Variants in GRID2 observed in about 807,000 individuals in gnomAD.
GRID2 encodes the protein glutamate ionotropic receptor delta type subunit 2.
In GRID2, 33 loss-of-function variants were observed where a neutral mutation model predicts 114.8. That is an observed-to-expected ratio of 0.29 (90% CI 0.22 to 0.38). The LOEUF (loss-of-function observed/expected upper bound fraction) is 0.38. GRID2 is among the 10% of genes least tolerant of loss of function. The pLI, the probability that GRID2 is intolerant of heterozygous loss-of-function variation, is 1.00. For synonymous variants in GRID2, 505 were observed against 449.9 expected (o/e 1.12, Z -1.55); for missense variants, 1,184 against 1,257.7 (o/e 0.94, Z 0.89).
At chr4:93,476,667 C>T (rs1725348831) in intron 11 of GRID2, among the ~76,000 whole-genome samples, 1 of 152,000 alleles carries the variant, frequency 6.6e-6, no homozygotes, top group Admixed American at 6.6e-5. Flanking sequence ...AGCGTGAATA[C>T]AAAAGCTGAA....
chr4:93,331,322 G>A (rs776359127), intron 8 of GRID2, among the ~76,000 whole-genome samples: 5 of 151,616 alleles, frequency 3.3e-5, no homozygotes, highest in African/African-American at 4.8e-5. Flanking sequence ...TTCTTCTCCC[G>A]TATATAGCCA....
At chr4:93,644,505 G>C (rs1293746898) in intron 14 of GRID2, among the ~76,000 whole-genome samples, 2 of 152,020 alleles carry the variant, frequency 1.3e-5, no homozygotes, top group African/African-American at 4.8e-5. Flanking sequence ...TTGTTCTGAT[G>C]ATTTTTCTCA....
At chr4:92,686,215 AC>A (rs1265330230) in intron 2 of GRID2, among the ~76,000 whole-genome samples, 2 of 152,066 alleles carry the variant, frequency 1.3e-5, no homozygotes, top group African/African-American at 2.4e-5. Flanking sequence ...GCCTCAAACT[AC>A]TTAAAATTAA....
At chr4:92,590,833 G>C (rs146327794) in intron 2 of GRID2, among the ~76,000 whole-genome samples, 1,998 of 152,150 alleles carry the variant, frequency 0.013, 32 homozygotes, top group African/African-American at 0.046. Context: ...CTGTAAACCT[G>C]AGTAAATTAA....
chr4:93,617,264 AGCT>A (rs1435102348), intron 13 of GRID2, among the ~76,000 whole-genome samples: 4 of 152,170 alleles, frequency 2.6e-5, no homozygotes, highest in African/African-American at 9.7e-5. Flanking sequence ...CATTTTATAG[AGCT>A]ATCAGGGGAA....
At chr4:93,733,418 T>G (rs531872756) in intron 14 of GRID2, among the ~76,000 whole-genome samples, 13 of 152,138 alleles carry the variant, frequency 8.5e-5, no homozygotes, top group Admixed American at 4.6e-4. Flanking sequence ...GTTTCTAACA[T>G]AGAAATTTTC....
intron 2 of GRID2, among the ~76,000 whole-genome samples, chr4:92,704,289 A>G (rs934833453): frequency 1.3e-5 from 2 of 152,164 alleles, no homozygotes; most frequent in Non-Finnish European, 2.9e-5. Flanking sequence ...AAATGATAAT[A>G]ATAGAATTAT....
chr4:93,292,327 T>C (rs1753840612), intron 8 of GRID2, among the ~76,000 whole-genome samples: 1 of 152,200 alleles, frequency 6.6e-6, no homozygotes, highest in Non-Finnish European at 1.5e-5. Context: ...GGAGGTACTA[T>C]GTGCTCAGCA....
chr4:92,900,958 T>C (rs1403729299), intron 2 of GRID2, among the ~76,000 whole-genome samples: 1 of 78,952 alleles, frequency 1.3e-5, no homozygotes, highest in Non-Finnish European at 2.5e-5. Flanking sequence ...GTATTTCCCA[T>C]TTTCTTTATC....
At chr4:92,831,342 T>A (rs1195572015) in intron 2 of GRID2, among the ~76,000 whole-genome samples, 2 of 152,138 alleles carry the variant, frequency 1.3e-5, no homozygotes, top group Non-Finnish European at 2.9e-5. Context: ...TACAAATGGC[T>A]GGTCTGAGAG....
chr4:93,634,789 A>G (rs1241916475), intron 14 of GRID2, among the ~76,000 whole-genome samples: 1 of 152,144 alleles, frequency 6.6e-6, no homozygotes, highest in Non-Finnish European at 1.5e-5. Flanking sequence ...AAGGGATTAG[A>G]AAAAAAGATA....
intron 8 of GRID2, among the ~76,000 whole-genome samples, chr4:93,376,421 C>T (rs1905707): frequency 0.18 from 26,965 of 151,594 alleles, 4,355 homozygotes; most frequent in African/African-American, 0.43. Flanking sequence ...TCAGACAGCA[C>T]AATCTAGCTC....
chr4:92,948,955 A>G (rs1751839126), intron 2 of GRID2, among the ~76,000 whole-genome samples: 1 of 151,854 alleles, frequency 6.6e-6, no homozygotes, highest in African/African-American at 2.4e-5. Flanking sequence ...AACTTCCTCC[A>G]GTCAACTCAT....
At chr4:92,556,786 C>T (rs150829346) in intron 1 of GRID2, among the ~76,000 whole-genome samples, 388 of 152,184 alleles carry the variant, frequency 2.5e-3, no homozygotes, top group Non-Finnish European at 3.5e-3. Flanking sequence ...ATGGCAACAG[C>T]CTCTCTAGTT....
At chr4:92,682,043 A>G (rs1249203737) in intron 2 of GRID2, among the ~76,000 whole-genome samples, 2 of 151,856 alleles carry the variant, frequency 1.3e-5, no homozygotes. Flanking sequence ...TAATAAAGAA[A>G]ATCTTTGAGG....
intron 14 of GRID2, among the ~76,000 whole-genome samples, chr4:93,631,551 T>A (rs1384713817): frequency 2.0e-5 from 3 of 152,244 alleles, no homozygotes; most frequent in East Asian, 1.9e-4. Context: ...GAACTCATCC[T>A]TTTTTATGGC....
rs553261271 is a variant in GRID2 at position 93,578,680 on chromosome 4, G to A, written c.2194-47589G>A. ...TCGATCTTGGGTCACTGCAAGCTCCGCCTCCCAGGTTCACGCCATTCTCCT... is the reference window on the plus strand; with the variant it reads ...TCGATCTTGGGTCACTGCAAGCTCCACCTCCCAGGTTCACGCCATTCTCCT... On this transcript the variant is annotated intron_variant, in intron 13 of 15. Transcript: ENST00000282020. 3.3e-4 allele frequency among the ~76,000 whole-genome samples: 45 copies of A among 136,622 alleles called. No individual in the cohort carries two copies. The East Asian group carries it at 9.3e-3, about 28-fold the overall frequency. The allele number at this position is 136,622 out of a possible 152,430, so 89.6% of individuals were successfully genotyped here.
At chr4:93,666,272 A>G (rs1262828385) in intron 14 of GRID2, among the ~76,000 whole-genome samples, 2 of 152,134 alleles carry the variant, frequency 1.3e-5, no homozygotes, top group Non-Finnish European at 2.9e-5. Flanking sequence ...TATATTATAT[A>G]TAAGCACCTT....
At chr4:92,446,138 G>T (rs1417584959) in intron 1 of GRID2, among the ~76,000 whole-genome samples, 8 of 152,184 alleles carry the variant, frequency 5.3e-5, no homozygotes, top group African/African-American at 1.7e-4. Context: ...GTAGAGACGG[G>T]GTTTCACTAT....
Sources: allele counts gnomAD v4.1 joint callset (sites outside exome capture counted in the v4.1 genomes callset), GRCh38; gene constraint gnomAD v4.1.1; transcripts MANE v1.5; gene names NCBI Gene and HGNC (gene_info 2026-07-23, HGNC 2026-07-21).